The following RP1 variants were observed in gnomAD, a reference collection of about 807,000 sequenced individuals.
RP1 encodes the protein RP1 axonemal microtubule associated.
Under a neutral mutation model 14.8 loss-of-function variants are expected in RP1, and 16 were observed. That is an observed-to-expected ratio of 1.08 (90% CI 0.73 to 1.65). The LOEUF is 1.65. Among genes scored for constraint, RP1 ranks in the 40% most tolerant of loss-of-function variants. RP1 has a pLI of 0.00. For missense variants in RP1, 2,631 were observed against 2,535.0 expected (o/e 1.04, Z -0.81); for synonymous variants, 876 against 883.6 (o/e 0.99, Z 0.15).
At chr8:54,571,359 G>A (rs944535824) in intron 1 of RP1, among the ~76,000 whole-genome samples, 2 of 152,110 alleles carry the variant, frequency 1.3e-5, no homozygotes, top group African/African-American at 4.8e-5. Context: ...TCCTTGGCAG[G>A]GACTGTGTCT....
intron 24 of RP1, among the ~76,000 whole-genome samples, chr8:54,790,210 C>A (rs1810430094): frequency 6.6e-6 from 1 of 152,170 alleles, no homozygotes; most frequent in Admixed American, 6.5e-5. Flanking sequence ...GACCACCTTG[C>A]AGCTCCACCC....
chr8:54,793,757 C>T (rs925579806), intron 24 of RP1, among the ~76,000 whole-genome samples: 5 of 151,836 alleles, frequency 3.3e-5, no homozygotes, highest in Admixed American at 6.6e-5. Flanking sequence ...TTCTCTCAAA[C>T]ATCAGGAACA....
intron 24 of RP1, among the ~76,000 whole-genome samples, chr8:54,817,610 T>A (rs555670296): frequency 1.7e-4 from 26 of 152,304 alleles, no homozygotes; most frequent in Middle Eastern, 6.8e-3. Flanking sequence ...AAGTAGAGTA[T>A]ATTTATTTCT....
chr8:54,697,254 CA>C (rs1051750714), intron 12 of RP1: 157 of 585,388 alleles, frequency 2.7e-4, no homozygotes, highest in Middle Eastern at 9.6e-4. Context: ...AAGGAAGGGT[CA>C]AAAAAAAGAC....
intron 24 of RP1, among the ~76,000 whole-genome samples, chr8:54,818,518 G>A (rs1811185866): frequency 6.6e-6 from 1 of 152,182 alleles, no homozygotes; most frequent in Non-Finnish European, 1.5e-5. Context: ...TTTTGACATA[G>A]AAAACTAAGG....
Position 54,621,179 on chromosome 8 carries a change from C to T in RP1, c.213C>T (p.Ser71=). Residue 71 remains serine, a synonymous_variant, in exon 2 of 4, where the codon TCC becomes TCT. Transcript: ENST00000220676. The part of the protein sequence containing the change: ...KSFDALLDNL[S]RKVPLPFGVR... ...TTGATGCTCTGCTGGATAACTTGTC[C>T]AGGAAGGTGCCCCTCCCTTTTGGAG... 1.2e-6 allele frequency: 2 copies of T among 1,614,108 alleles called. No homozygotes were observed. Among genetic ancestry groups the T allele is most frequent in the South Asian group, 2.2e-5 (2 of 91,074 alleles).
intron 19 of RP1, among the ~76,000 whole-genome samples, chr8:54,743,753 CT>C (rs893735832): frequency 1.3e-5 from 2 of 152,052 alleles, no homozygotes; most frequent in African/African-American, 4.8e-5. Flanking sequence ...TCAAGGAGCC[CT>C]AGTTTAATTT....
At chr8:54,740,403 T>TAAAAAAAAAAAAAAAAAAAAAAA (rs34753388) in intron 19 of RP1, among the ~76,000 whole-genome samples, 1 of 80,244 alleles carries the variant, frequency 1.2e-5, no homozygotes, top group African/African-American at 4.6e-5. Context: ...GCTTAAAAAG[T>TAAAAAAAAAAAAAAAAAAAAAAA]AAAAAAAAAA....
intron 23 of RP1, among the ~76,000 whole-genome samples, chr8:54,777,049 G>T (rs916009527): frequency 2.0e-5 from 3 of 152,168 alleles, no homozygotes; most frequent in African/African-American, 7.2e-5. Context: ...TGCATGGCTT[G>T]GGAAATCACT....
intron 1 of RP1, among the ~76,000 whole-genome samples, chr8:54,604,356 G>T (rs1334583142): frequency 6.6e-6 from 1 of 152,142 alleles, no homozygotes; most frequent in Admixed American, 6.5e-5. Flanking sequence ...ATTTGTGTAT[G>T]TTGAACCAGC....
chr8:54,682,180 T>C (rs1477630794), intron 12 of RP1, among the ~76,000 whole-genome samples: 1 of 152,140 alleles, frequency 6.6e-6, no homozygotes, highest in Non-Finnish European at 1.5e-5. Flanking sequence ...AGCATGCCTT[T>C]TTCTCTGCAA....
chr8:54,594,660 T>G (rs1805100482), intron 1 of RP1, among the ~76,000 whole-genome samples: 1 of 152,234 alleles, frequency 6.6e-6, no homozygotes, highest in South Asian at 2.1e-4. Flanking sequence ...TGGTTTATGA[T>G]TATGTATTCA....
At chr8:54,778,631 G>A (rs1810104702) in intron 23 of RP1, among the ~76,000 whole-genome samples, 1 of 152,110 alleles carries the variant, frequency 6.6e-6, no homozygotes, top group Non-Finnish European at 1.5e-5. Context: ...CCATGTTAAT[G>A]CTTCTTAAGA....
intron 1 of RP1, among the ~76,000 whole-genome samples, chr8:54,591,121 G>A (rs930686377): frequency 1.3e-5 from 2 of 152,118 alleles, no homozygotes; most frequent in South Asian, 2.1e-4. Context: ...GAGCAGCAAG[G>A]CTCCTACCTC....
intron 21 of RP1, chr8:54,758,871 C>T: frequency 6.6e-7 from 1 of 1,519,390 alleles, no homozygotes; most frequent in South Asian, 1.2e-5. Context: ...ATTTGTCATG[C>T]CTCGGACTCT....
intron 1 of RP1, among the ~76,000 whole-genome samples, chr8:54,560,081 G>A (rs1221644693): frequency 2.6e-5 from 4 of 152,178 alleles, no homozygotes; most frequent in African/African-American, 9.7e-5. Context: ...AAGCTTCAGG[G>A]CATCATGGCA....
chr8:54,663,297 G>C (rs915634641), intron 6 of RP1, among the ~76,000 whole-genome samples: 4 of 152,040 alleles, frequency 2.6e-5, no homozygotes, highest in African/African-American at 9.6e-5. Context: ...CTGGCAATTT[G>C]GATATTTCAA....
intron 3 of RP1, 107 bp from the exon 4 acceptor site, chr8:54,624,563 C>T: frequency 1.8e-6 from 2 of 1,092,174 alleles, no homozygotes; most frequent in South Asian, 1.3e-5. Flanking sequence ...ATCATTTCCC[C>T]TTTTCTCTTT....
At chr8:54,804,196 A>G (rs1810791209) in intron 24 of RP1, among the ~76,000 whole-genome samples, 1 of 152,164 alleles carries the variant, frequency 6.6e-6, no homozygotes, top group African/African-American at 2.4e-5. Context: ...TTCTTTGAAT[A>G]AACTTTGTTT....
Sources: gnomAD v4.1 joint callset for allele counts (sites outside exome capture counted in the v4.1 genomes callset) on GRCh38, gnomAD v4.1.1 for gene constraint, MANE v1.5 for transcripts, NCBI Gene and HGNC (gene_info 2026-07-23, HGNC 2026-07-21) for gene names.